Variants in GABRA2 observed in about 807,000 individuals in gnomAD.
The protein encoded by GABRA2 is gamma-aminobutyric acid receptor subunit alpha-2.
In GABRA2, 16 loss-of-function variants were observed where a neutral mutation model predicts 48.7. The observed-to-expected ratio is 0.33, with a 90% CI of 0.22 to 0.50. The LOEUF (loss-of-function observed/expected upper bound fraction) is 0.50, where lower values mean the gene tolerates loss of function less well. Ranked by LOEUF, GABRA2 falls within the 20% of genes least tolerant of loss-of-function variation. GABRA2 has a pLI of 0.98. For missense variants in GABRA2, 275 were observed against 535.6 expected (o/e 0.51, Z 4.80); for synonymous variants, 185 against 184.5 (o/e 1.00, Z -0.02).
Position 46,390,082 on chromosome 4 carries a change from C to A in GABRA2, c.-358G>T. ...GGGGGGGAAATTGGGGGGACGCGGGCGGAGGCGCGGTGCGCGCCGGCGGTG... is the reference window on the plus strand; with the variant it reads ...GGGGGGGAAATTGGGGGGACGCGGGAGGAGGCGCGGTGCGCGCCGGCGGTG... On this transcript the variant is annotated 5_prime_UTR_variant, in exon 1 of 10. Transcript: ENST00000381620. The A allele has an allele frequency of 2.1e-6, 2 of 939,014 alleles. No homozygotes were observed. The highest frequency in any genetic ancestry group is 2.5e-6 in the Non-Finnish European group (2 of 791,870). 58.2% of individuals were successfully genotyped at this position (939,014 alleles called of 1,614,324 possible).
chr4:46,295,986 A>G (rs1480477097), intron 8 of GABRA2, among the ~76,000 whole-genome samples: 1 of 152,162 alleles, frequency 6.6e-6, no homozygotes, highest in East Asian at 1.9e-4. Context: ...GTTCATGCTC[A>G]TGGAATTCAT....
chr4:46,250,536 C>T lies in GABRA2; in HGVS notation c.1128G>A (p.Pro376=), dbSNP rs201736133. 1.4e-5 allele frequency: 22 copies of T among 1,611,466 alleles called. No homozygotes were observed. Among genetic ancestry groups the T allele is most frequent in the Non-Finnish European group, 1.7e-5 (20 of 1,178,466 alleles). Residue 376 remains proline, a synonymous_variant, in exon 10 of 10, where the codon CCG becomes CCA. Transcript: ENST00000381620. The part of the protein sequence containing the change: ...AYAVAVANYA[P]NLSKDPVLST... Reference sequence around the variant, plus strand: ...AGAGAACTGGATCTTTTGAAAGATTCGGGGCATAATTGGCAACAGCCACTG... The same window carrying T: ...AGAGAACTGGATCTTTTGAAAGATTTGGGGCATAATTGGCAACAGCCACTG...
chr4:46,313,607 C>T (rs536987335), intron 4 of GABRA2, among the ~76,000 whole-genome samples: 7 of 151,882 alleles, frequency 4.6e-5, no homozygotes, highest in Non-Finnish European at 8.8e-5. Flanking sequence ...CTCTCTCTAT[C>T]TTTACCCTAT....
At chr4:46,335,829 C>T (rs1732134388) in intron 3 of GABRA2, among the ~76,000 whole-genome samples, 1 of 152,046 alleles carries the variant, frequency 6.6e-6, no homozygotes, top group Non-Finnish European at 1.5e-5. Context: ...TCAAAATGGC[C>T]ATTATCTCGC....
chr4:46,283,754 A>C (rs775133063), intron 8 of GABRA2, among the ~76,000 whole-genome samples: 2 of 152,104 alleles, frequency 1.3e-5, no homozygotes, highest in Non-Finnish European at 2.9e-5. Flanking sequence ...CGAGTTTCTT[A>C]GTTTTTCTGT....
chr4:46,312,420 AG>A lies in GABRA2; in HGVS notation c.476+75del, dbSNP rs1487255763. 6.8e-5 allele frequency: 62 copies of A among 915,142 alleles called. 1 individual carries two copies. The African/African-American group carries it at 9.5e-4, about 14-fold the overall frequency. The allele number at this position is 915,142 out of a possible 1,614,324, so 56.7% of individuals were successfully genotyped here. On this transcript the variant is annotated intron_variant, in intron 5 of 9. Transcript: ENST00000381620. The stretch of plus-strand genomic sequence containing the variant: ...ACACTCAACTTTGTTAATACTTGAC[AG>A]CTAGATTGGCTGGTTGTTTAATACA...
At chr4:46,387,242 C>A (rs545905144) in intron 2 of GABRA2, among the ~76,000 whole-genome samples, 1 of 152,164 alleles carries the variant, frequency 6.6e-6, no homozygotes, top group East Asian at 1.9e-4. Context: ...TGGTTAAACA[C>A]TGAGATTTTC....
intron 1 of GABRA2, chr4:46,389,280 A>C: frequency 1.0e-6 from 1 of 985,388 alleles, no homozygotes; most frequent in Non-Finnish European, 1.2e-6. Flanking sequence ...CCCTTAACAA[A>C]ATAAAATAAA....
At chr4:46,275,492 C>T in intron 8 of GABRA2, among the ~76,000 whole-genome samples, 1 of 152,042 alleles carries the variant, frequency 6.6e-6, no homozygotes, top group South Asian at 2.1e-4. Context: ...CTCCAGGATC[C>T]CTGCACCTGT....
intron 8 of GABRA2, among the ~76,000 whole-genome samples, chr4:46,298,906 T>C (rs1309961371): frequency 6.6e-6 from 1 of 151,774 alleles, no homozygotes; most frequent in Non-Finnish European, 1.5e-5. Context: ...AATTCTAGTA[T>C]AATACCTAGG....
At chr4:46,360,310 G>A (rs1712964283) in intron 3 of GABRA2, among the ~76,000 whole-genome samples, 1 of 152,192 alleles carries the variant, frequency 6.6e-6, no homozygotes, top group Non-Finnish European at 1.5e-5. Context: ...GTTTTCTTGG[G>A]AGGAATCCAG....
chr4:46,329,434 A>C (rs556703322), intron 4 of GABRA2, among the ~76,000 whole-genome samples: 1 of 152,138 alleles, frequency 6.6e-6, no homozygotes, highest in East Asian at 1.9e-4. Context: ...CATGAAGCAT[A>C]TTTCTGTGGA....
chr4:46,370,663 T>C (rs943433423), intron 3 of GABRA2, among the ~76,000 whole-genome samples: 1 of 152,126 alleles, frequency 6.6e-6, no homozygotes, highest in Non-Finnish European at 1.5e-5. Flanking sequence ...TAATTGGGAT[T>C]TTCATGCAAT....
intron 9 of GABRA2, among the ~76,000 whole-genome samples, chr4:46,253,253 C>G (rs771435319): frequency 4.0e-5 from 6 of 151,326 alleles, no homozygotes; most frequent in Non-Finnish European, 8.9e-5. Flanking sequence ...CACTTGAATA[C>G]CCTTCAGTTG....
intron 3 of GABRA2, among the ~76,000 whole-genome samples, chr4:46,343,551 G>A (rs1733650307): frequency 6.6e-6 from 1 of 151,914 alleles, no homozygotes; most frequent in Non-Finnish European, 1.5e-5. Context: ...TGGATCTCAT[G>A]AGGAAATGAA....
At chr4:46,388,006 T>C (rs1470688125) in intron 2 of GABRA2, among the ~76,000 whole-genome samples, 4 of 152,158 alleles carry the variant, frequency 2.6e-5, no homozygotes, top group Admixed American at 2.6e-4. Flanking sequence ...TTTTATAGCA[T>C]AGGCAAAAGA....
At chr4:46,377,729 TG>T (rs67360509) in intron 3 of GABRA2, among the ~76,000 whole-genome samples, 23,330 of 81,234 alleles carry the variant, frequency 0.29, 2,794 homozygotes, top group African/African-American at 0.33. Context: ...GGGAGGGAGG[TG>T]GGGGGGGTCA....
intron 4 of GABRA2, among the ~76,000 whole-genome samples, chr4:46,330,340 T>A (rs1025672014): frequency 2.0e-5 from 3 of 151,968 alleles, no homozygotes; most frequent in Non-Finnish European, 2.9e-5. Context: ...CTAATGACTA[T>A]ATACCTAACA....
intron 5 of GABRA2, among the ~76,000 whole-genome samples, chr4:46,311,918 G>T (rs1018674367): frequency 1.3e-5 from 2 of 152,138 alleles, no homozygotes; most frequent in Non-Finnish European, 2.9e-5. Context: ...GGCCAACATG[G>T]CGAAACACCG....
Sources: gnomAD v4.1 joint callset for allele counts (sites outside exome capture counted in the v4.1 genomes callset) on GRCh38, gnomAD v4.1.1 for gene constraint, MANE v1.5 for transcripts, NCBI Gene and HGNC (gene_info 2026-07-23, HGNC 2026-07-21) for gene names.